Variants in TMEM163 observed in about 807,000 individuals in gnomAD.
The protein encoded by TMEM163 is transmembrane protein 163.
Under a neutral mutation model 29.3 loss-of-function variants are expected in TMEM163, and 17 were observed. The ratio of observed to expected loss-of-function variants is 0.58; its 90% confidence interval spans 0.40 to 0.87. The LOEUF (loss-of-function observed/expected upper bound fraction) is 0.87, where lower values mean the gene tolerates loss of function less well. Among genes scored for constraint, TMEM163 ranks in the 40% least tolerant of loss-of-function variants. The pLI, the probability that TMEM163 is intolerant of heterozygous loss-of-function variation, is 0.00. For synonymous variants in TMEM163, 157 were observed against 160.6 expected, an observed-to-expected ratio of 0.98 and a Z score of 0.17; for missense variants, 303 against 381.5, an observed-to-expected ratio of 0.79 and a Z score of 1.71.
chr2:134,540,741 T>C (rs542346864), intron 4 of TMEM163, among the ~76,000 whole-genome samples: 1 of 152,228 alleles, frequency 6.6e-6, no homozygotes, highest in Non-Finnish European at 1.5e-5. Context: ...ATAATACCTC[T>C]ACTTAACAGA....
intron 2 of TMEM163, among the ~76,000 whole-genome samples, chr2:134,694,313 C>A (rs2104886049): frequency 6.6e-6 from 1 of 152,268 alleles, no homozygotes; most frequent in East Asian, 1.9e-4. Context: ...AATCCCAGTA[C>A]TAGAAGTATT....
At chr2:134,560,531 G>A (rs1174709693) in intron 2 of TMEM163, among the ~76,000 whole-genome samples, 5 of 152,118 alleles carry the variant, frequency 3.3e-5, no homozygotes, top group Non-Finnish European at 1.5e-5. Flanking sequence ...AAATGAAGCC[G>A]CAGCTGGCAC....
intron 2 of TMEM163, among the ~76,000 whole-genome samples, chr2:134,658,362 GT>G (rs1170143988): frequency 6.6e-6 from 1 of 152,154 alleles, no homozygotes; most frequent in African/African-American, 2.4e-5. Context: ...CCTTTGTGAG[GT>G]TTTGTTTAAA....
At chr2:134,646,344 C>T (rs1216975249) in intron 2 of TMEM163, among the ~76,000 whole-genome samples, 1 of 152,178 alleles carries the variant, frequency 6.6e-6, no homozygotes, top group Non-Finnish European at 1.5e-5. Context: ...CTCAGCCTCC[C>T]AAAGTGCTGG....
At chr2:134,559,526 T>C (rs114664181) in intron 2 of TMEM163, among the ~76,000 whole-genome samples, 5,298 of 152,262 alleles carry the variant, frequency 0.035, 328 homozygotes, top group African/African-American at 0.12. Context: ...AGGTAGGCCA[T>C]GGGCACTGGC....
chr2:134,703,337 ATT>A (rs1558997861), intron 2 of TMEM163, among the ~76,000 whole-genome samples: 1 of 152,220 alleles, frequency 6.6e-6, no homozygotes, highest in Non-Finnish European at 1.5e-5. Context: ...AACCAATAGA[ATT>A]ACCTCTGCAT....
In TMEM163 at chr2:134,486,954, A is replaced by G. The variant is rs116950100; in HGVS notation, c.555+15947T>C. Among the ~76,000 whole-genome samples, 22 of 152,372 alleles carry G rather than the reference A, an allele frequency of 1.4e-4. 1 individual carries two copies. In the East Asian group the frequency reaches 3.7e-3, roughly 25 times the overall value. The stretch of plus-strand genomic sequence containing the variant: ...TCTTAAAGGAAAAGAAAATCTCAGT[A>G]TAAACAGAAAAAGTATTCAAAATTC... On this transcript the variant is annotated intron_variant, in intron 5 of 7. Transcript: ENST00000281924.
intron 2 of TMEM163, among the ~76,000 whole-genome samples, chr2:134,638,663 G>A (rs931345369): frequency 6.6e-6 from 1 of 152,196 alleles, no homozygotes; most frequent in African/African-American, 2.4e-5. Flanking sequence ...TTAATTGTTA[G>A]TGCCTGATGG....
chr2:134,629,659 C>A (rs1197485226), intron 2 of TMEM163, among the ~76,000 whole-genome samples: 1 of 152,294 alleles, frequency 6.6e-6, no homozygotes, highest in South Asian at 2.1e-4. Flanking sequence ...AAACTCTAGG[C>A]TACTTTTGCA....
intron 2 of TMEM163, among the ~76,000 whole-genome samples, chr2:134,585,696 C>T (rs1006285391): frequency 1.1e-4 from 16 of 150,926 alleles, no homozygotes; most frequent in African/African-American, 1.7e-4. Context: ...GAGTCTAGAT[C>T]GCGCCACTGC....
At chr2:134,716,916 G>A (rs750482160) in intron 1 of TMEM163, among the ~76,000 whole-genome samples, 5 of 152,186 alleles carry the variant, frequency 3.3e-5, no homozygotes, top group South Asian at 2.1e-4. Context: ...GTTCTTTGGC[G>A]AATAGGGTTC....
At chr2:134,577,232 A>G (rs1337216695) in intron 2 of TMEM163, among the ~76,000 whole-genome samples, 1 of 152,194 alleles carries the variant, frequency 6.6e-6, no homozygotes, top group Admixed American at 6.5e-5. Context: ...CGTCGACTCT[A>G]ATTTGATACC....
intron 2 of TMEM163, among the ~76,000 whole-genome samples, chr2:134,644,364 C>T (rs1002306040): frequency 2.0e-5 from 3 of 152,068 alleles, no homozygotes; most frequent in Non-Finnish European, 4.4e-5. Flanking sequence ...TGAAGACTTA[C>T]TAGAAAGCTA....
chr2:134,588,700 C>G (rs1322210850), intron 2 of TMEM163, among the ~76,000 whole-genome samples: 1 of 152,108 alleles, frequency 6.6e-6, no homozygotes, highest in Non-Finnish European at 1.5e-5. Flanking sequence ...GGACCCTGAC[C>G]CCTACAAACT....
chr2:134,456,983 G>A (rs543266367), intron 7 of TMEM163, among the ~76,000 whole-genome samples: 5 of 151,780 alleles, frequency 3.3e-5, no homozygotes, highest in African/African-American at 7.3e-5. Flanking sequence ...TCCTCCCCAC[G>A]CCTGACGAGA....
chr2:134,473,552 AAAAG>A (rs1686851518), intron 5 of TMEM163, among the ~76,000 whole-genome samples: 1 of 151,368 alleles, frequency 6.6e-6, no homozygotes, highest in Non-Finnish European at 1.5e-5. Flanking sequence ...AAAAAAAAGA[AAAAG>A]AAACCAATGA....
At chr2:134,649,219 G>A (rs969076542) in intron 2 of TMEM163, among the ~76,000 whole-genome samples, 2 of 152,148 alleles carry the variant, frequency 1.3e-5, no homozygotes, top group African/African-American at 4.8e-5. Flanking sequence ...AAGGCATCAA[G>A]AGATAAATGA....
intron 4 of TMEM163, among the ~76,000 whole-genome samples, chr2:134,519,807 C>T (rs1332285635): frequency 6.6e-6 from 1 of 150,580 alleles, no homozygotes; most frequent in East Asian, 2.0e-4. Context: ...GGAGAATCGC[C>T]TGAACCTGGG....
chr2:134,594,996 G>A (rs1476030743), intron 2 of TMEM163, among the ~76,000 whole-genome samples: 4 of 151,712 alleles, frequency 2.6e-5, no homozygotes, highest in Non-Finnish European at 5.9e-5. Flanking sequence ...AAAAAAAGAT[G>A]GAAAATCTAT....
Sources: allele counts gnomAD v4.1 joint callset (sites outside exome capture counted in the v4.1 genomes callset), GRCh38; gene constraint gnomAD v4.1.1; transcripts MANE v1.5; gene names NCBI Gene and HGNC (gene_info 2026-07-23, HGNC 2026-07-21).